Variants in C1QTNF9 observed in about 807,000 individuals in gnomAD.
The protein encoded by C1QTNF9 is complement C1q and tumor necrosis factor-related protein 9A.
C1QTNF9 carries 6 observed loss-of-function variants against 10.1 expected under a neutral mutation model. That is an observed-to-expected ratio of 0.59 (90% CI 0.32 to 1.17). The LOEUF (loss-of-function observed/expected upper bound fraction) is 1.17, where lower values mean the gene tolerates loss of function less well. Ranked by LOEUF, C1QTNF9 falls within the 50% of genes most tolerant of loss-of-function variation. The probability of loss-of-function intolerance (pLI) is 0.04; values close to 1 mark genes in which losing one functional copy is unlikely to be tolerated. For synonymous variants in C1QTNF9, 98 were observed against 163.5 expected (o/e 0.60, Z 3.06); for missense variants, 201 against 418.8 (o/e 0.48, Z 4.54).
chr13:24,311,941 G>A (rs1323466206), intron 1 of C1QTNF9, among the ~76,000 whole-genome samples: 4 of 152,120 alleles, frequency 2.6e-5, no homozygotes, highest in South Asian at 4.1e-4. Context: ...ACAATTACAC[G>A]TCTCACTTTT....
exon 2 of C1QTNF9, chr13:24,316,103 C>G: frequency 6.2e-7 from 1 of 1,613,086 alleles, no homozygotes; most frequent in Middle Eastern, 1.7e-4. Context: ...CCCTGGGAAC[C>G]CCGGTCACAA....
At position 24,321,945 on chromosome 13, in the gene C1QTNF9, A is replaced by G. The variant is rs144498504; in HGVS notation, c.*177A>G. 598 of 738,460 alleles carry G rather than the reference A, an allele frequency of 8.1e-4. 1 individual carries two copies. In the African/African-American group the frequency reaches 0.01, roughly 13 times the overall value. The allele number at this position is 738,460 out of a possible 1,614,324, so 45.7% of individuals were successfully genotyped here. A position where few individuals can be genotyped will look rare whatever the true frequency, so the allele number is the denominator to read the frequency against. On this transcript the variant is annotated 3_prime_UTR_variant, in exon 4 of 4. Coordinates refer to ENST00000332018, the Ensembl canonical transcript of C1QTNF9. ...TAACTTACTATTTTTCCAGGAGTAA[A>G]TATTTAAAATAGCTGCATGGTTTAT...
At chr13:24,310,771 G>A (rs1251022738) in intron 1 of C1QTNF9, among the ~76,000 whole-genome samples, 2 of 151,800 alleles carry the variant, frequency 1.3e-5, no homozygotes, top group African/African-American at 4.8e-5. Flanking sequence ...AATTAGCCAG[G>A]CGTGGTGGTG....
rs559125593 is a variant in C1QTNF9, at chr13:24,319,821, A to G, written c.229+941A>G. ...GTGTAATCTTCACTTTGTGCTTTTC[A>G]TGTACTGACTCACTGAATGCAATAT... On this transcript the variant is annotated intron_variant, in intron 3 of 3. Transcript: ENST00000332018. Among the ~76,000 whole-genome samples, 13 of 152,220 alleles carry G rather than the reference A, an allele frequency of 8.5e-5. No homozygotes were observed. In the South Asian group the frequency reaches 2.5e-3, roughly 29 times the overall value.
At chr13:24,322,447 G>A (rs764673732) in exon 4 of C1QTNF9, 3 of 152,186 alleles carry the variant, frequency 2.0e-5, no homozygotes, top group Non-Finnish European at 4.4e-5. Flanking sequence ...ATCATTGTTC[G>A]ATCATTATTT....
At chr13:24,308,195 C>T (rs1358806715), upstream of C1QTNF9, among the ~76,000 whole-genome samples, 4 of 152,226 alleles carry the variant, frequency 2.6e-5, no homozygotes, top group African/African-American at 9.6e-5. Flanking sequence ...CGGCAGGCTG[C>T]CCAGGTGGTC....
intron 2 of C1QTNF9, among the ~76,000 whole-genome samples, chr13:24,317,453 C>A (rs916372513): frequency 6.6e-6 from 1 of 151,996 alleles, no homozygotes; most frequent in Admixed American, 6.6e-5. Context: ...CTTTTCTCAC[C>A]AGTGTCCATT....
chr13:24,312,939 A>G (rs1303591962), intron 1 of C1QTNF9, among the ~76,000 whole-genome samples: 1 of 143,996 alleles, frequency 6.9e-6, no homozygotes, highest in Non-Finnish European at 1.5e-5. Flanking sequence ...TGGGCGACAG[A>G]GCGAGACTCT....
exon 4 of C1QTNF9, chr13:24,321,600 T>G: frequency 6.2e-7 from 1 of 1,614,218 alleles, no homozygotes; most frequent in Middle Eastern, 1.6e-4. Flanking sequence ...ACACCAAAGA[T>G]GCTTACATGA....
At chr13:24,307,172 C>T (rs1379851422), upstream of C1QTNF9, 1 of 152,182 alleles carries the variant, frequency 6.6e-6, no homozygotes, top group Admixed American at 6.5e-5. Context: ...GCCCTGATGT[C>T]CCTAGACTTC....
At chr13:24,315,185 T>C (rs1229691393) in intron 1 of C1QTNF9, among the ~76,000 whole-genome samples, 1 of 152,168 alleles carries the variant, frequency 6.6e-6, no homozygotes, top group Non-Finnish European at 1.5e-5. Flanking sequence ...ACAGAAACTC[T>C]GTACCCATCA....
Position 24,320,454 on chromosome 13 carries a change from G to A in C1QTNF9, c.230-542G>A, listed in dbSNP as rs549428807. ...GGCTGCAGTGCAGTGGTTTGATCAC[G>A]GATCACTGCAGCCTCAGCCTCCTGG... On this transcript the variant is annotated intron_variant, in intron 3 of 3. Transcript: ENST00000332018. Among the ~76,000 whole-genome samples the A allele has an allele frequency of 3.9e-5, 6 of 152,196 alleles. No individual in the cohort carries two copies. The South Asian group carries it at 1.2e-3, about 32-fold the overall frequency.
Position 24,320,596 on chromosome 13 carries a change from G to C in C1QTNF9, c.230-400G>C, listed in dbSNP as rs538383286. Among the ~76,000 whole-genome samples the C allele has an allele frequency of 1.6e-4, 25 of 152,158 alleles. No individual in the cohort carries two copies. The East Asian group carries it at 3.5e-3, about 21-fold the overall frequency. On this transcript the variant is annotated intron_variant, in intron 3 of 3. Coordinates refer to ENST00000332018, the Ensembl canonical transcript of C1QTNF9. The stretch of plus-strand genomic sequence containing the variant: ...GATAAGGTTTGGCCATGTTGCCTAG[G>C]CTGATCTTGAATTCCTGGACTCAAG...
chr13:24,319,824 T>G (rs996842611), intron 3 of C1QTNF9, among the ~76,000 whole-genome samples: 2 of 152,176 alleles, frequency 1.3e-5, no homozygotes, highest in African/African-American at 4.8e-5. Flanking sequence ...GCTTTTCATG[T>G]ACTGACTCAC....
At chr13:24,315,880 G>T (rs182972383) in intron 1 of C1QTNF9, 102 bp from the exon 2 acceptor site, 4 of 1,269,944 alleles carry the variant, frequency 3.1e-6, no homozygotes, top group Non-Finnish European at 4.4e-6. Context: ...TGGGTCTGGG[G>T]CAGGGGACAG....
chr13:24,319,273 C>T (rs553453679), intron 3 of C1QTNF9, among the ~76,000 whole-genome samples: 42 of 152,018 alleles, frequency 2.8e-4, no homozygotes, highest in Middle Eastern at 6.8e-3. Context: ...GCACCATGGC[C>T]CACACCTGTA....
exon 4 of C1QTNF9, chr13:24,321,275 G>T (rs1229238345): frequency 6.9e-7 from 1 of 1,459,134 alleles, no homozygotes; most frequent in Non-Finnish European, 9.2e-7. Context: ...GGACCCACGG[G>T]GCCCCAGGGT....
intron 1 of C1QTNF9, 138 bp from the exon 2 acceptor site, chr13:24,315,844 G>A (rs1877999692): frequency 2.3e-6 from 2 of 876,290 alleles, no homozygotes; most frequent in Admixed American, 5.6e-5. Context: ...CCTGCCCTGA[G>A]CCTTCTGTCC....
exon 2 of C1QTNF9, chr13:24,316,024 G>T (rs1401812023): frequency 1.2e-6 from 2 of 1,613,604 alleles, no homozygotes; most frequent in Non-Finnish European, 1.7e-6. Context: ...GGTGGCTTCT[G>T]CTTGCCATTG....
Sources: gnomAD v4.1 joint callset for allele counts (sites outside exome capture counted in the v4.1 genomes callset) on GRCh38, gnomAD v4.1.1 for gene constraint, MANE v1.5 for transcripts, NCBI Gene and HGNC (gene_info 2026-07-23, HGNC 2026-07-21) for gene names.